LGALS9C: variants seen among roughly 807,000 people sequenced by gnomAD.
The protein encoded by LGALS9C is galectin 9C, also known as galectin-9C.
In LGALS9C, 7 loss-of-function variants were observed where a neutral mutation model predicts 41.3. That is an observed-to-expected ratio of 0.17 (90% confidence interval 0.10 to 0.32). The LOEUF (loss-of-function observed/expected upper bound fraction) is 0.32, where lower values mean the gene tolerates loss of function less well. LGALS9C is among the 10% of genes least tolerant of loss of function. LGALS9C has a pLI of 1.00. For missense variants in LGALS9C, 102 were observed against 455.2 expected (o/e 0.22, Z 7.06); for synonymous variants, 44 against 171.0 (o/e 0.26, Z 5.80).
chr17:18,494,213 C>T lies in LGALS9C; in HGVS notation c.925-8C>T. 7.8e-7 allele frequency: 1 copy of T among 1,279,730 alleles called. No individual in the cohort carries two copies. The highest frequency in any genetic ancestry group is 1.4e-5 in the South Asian group (1 of 73,212). The allele number at this position is 1,279,730 out of a possible 1,614,324, so 79.3% of individuals were successfully genotyped here. The stretch of plus-strand genomic sequence containing the variant: ...AAGTGTAGTGCAAACGGCATAATCT[C>T]TGCACAGGTGTGGATCTTGTGTGAA... On this transcript the variant is annotated splice_region_variant and splice_polypyrimidine_tract_variant and intron_variant, in intron 10 of 10. Coordinates refer to ENST00000328114, the MANE Select transcript of LGALS9C (RefSeq NM_001040078.3).
rs1469410823 is a variant in LGALS9C at position 18,483,979 on chromosome 17, G to A, written c.131+13G>A. The stretch of plus-strand genomic sequence containing the variant: ...GCAGTGGAACCAGGTGTGTGTATAT[G>A]GATGGAAACGTTTCACTCCAGCCTC... On this transcript the variant is annotated intron_variant, in intron 2 of 10. Coordinates refer to ENST00000328114, the MANE Select transcript of LGALS9C (RefSeq NM_001040078.3). 1 of 1,364,968 alleles carries A rather than the reference G, an allele frequency of 7.3e-7. No individual in the cohort carries two copies. Among genetic ancestry groups the A allele is most frequent in the Non-Finnish European group, 1.0e-6 (1 of 973,848 alleles). 84.6% of individuals were successfully genotyped at this position (1,364,968 alleles called of 1,614,324 possible).
intron 4 of LGALS9C, 73 bp downstream of exon 4, chr17:18,487,830 C>T (rs1825463): frequency 0.083 from 125,699 of 1,514,712 alleles, 2,128 homozygotes; most frequent in African/African-American, 0.28. Flanking sequence ...TTAGGCCCAG[C>T]TGGGGGGACC....
rs761694616 is a variant in LGALS9C at position 18,492,746 on chromosome 17, C to A, written c.811C>A (p.Pro271Thr). Residue 271 changes from proline (P) to threonine (T), a missense_variant, in exon 10 of 11, where the codon CCC (proline) becomes ACC (threonine). Transcript: ENST00000328114. The part of the protein sequence containing the change: ...SGSHIAFHMN[P>T]RFDENAVVRN... ...GAGCCACATCGCCTTCCACATGAAC[C>A]CCCGTTTTGATGAGAATGCTGTGGT... 1 of 1,507,496 alleles carries A rather than the reference C, an allele frequency of 6.6e-7. No homozygotes were observed. The highest frequency in any genetic ancestry group is 2.2e-5 in the East Asian group (1 of 44,758). 93.4% of individuals were successfully genotyped at this position (1,507,496 alleles called of 1,614,324 possible).
intron 1 of LGALS9C, among the ~76,000 whole-genome samples, chr17:18,477,232 G>A (rs1217113092): frequency 1.5e-5 from 2 of 129,418 alleles, no homozygotes; most frequent in Non-Finnish European, 3.8e-5. Flanking sequence ...ATGCTACCCG[G>A]CATGGTAGTT....
In LGALS9C at chr17:18,492,409, C is replaced by T. The variant is rs376058294; in HGVS notation, c.673-48C>T. ...GGTACAATCTTCCCCTTCCATGTGGCGGCTGCCCTGACTGCCACTGGCTGA... is the reference window on the plus strand; with the variant it reads ...GGTACAATCTTCCCCTTCCATGTGGTGGCTGCCCTGACTGCCACTGGCTGA... On this transcript the variant is annotated intron_variant, in intron 8 of 10. Coordinates refer to ENST00000328114, the MANE Select transcript of LGALS9C (RefSeq NM_001040078.3). 73 of 1,508,066 alleles carry T rather than the reference C, an allele frequency of 4.8e-5. 5 individuals are homozygous for T. The highest frequency in any genetic ancestry group is 3.4e-4 in the Middle Eastern group (2 of 5,814). 93.4% of individuals were successfully genotyped at this position (1,508,066 alleles called of 1,614,324 possible).
At chr17:18,478,530 C>A in intron 1 of LGALS9C, among the ~76,000 whole-genome samples, 1 of 129,476 alleles carries the variant, frequency 7.7e-6, no homozygotes, top group African/African-American at 2.6e-5. Flanking sequence ...GGGAAGGTCA[C>A]GCGGTTCATG....
rs1171591678 is a variant in LGALS9C at position 18,487,675 on chromosome 17, A to G, written c.362A>G (p.Gln121Arg). 2 of 1,522,486 alleles carry G rather than the reference A, an allele frequency of 1.3e-6. No individual in the cohort carries two copies. The highest frequency in any genetic ancestry group is 1.8e-6 in the Non-Finnish European group (2 of 1,114,272). The allele number at this position is 1,522,486 out of a possible 1,614,324, so 94.3% of individuals were successfully genotyped here. A position where few individuals can be genotyped will look rare whatever the true frequency, so the allele number is the denominator to read the frequency against. Residue 121 changes from glutamine to arginine, a missense_variant, in exon 4 of 11, where the codon CAG (glutamine) becomes CGG (arginine). Transcript: ENST00000328114. Reference protein sequence around the residue: ...KVMVNGSLFVQYFHRVPFHRV... With the variant: ...KVMVNGSLFVRYFHRVPFHRV... Reference sequence around the variant, plus strand: ...ATGGTGAACGGGAGCCTCTTCGTGCAGTACTTCCACCGCGTGCCCTTCCAC... The same window carrying G: ...ATGGTGAACGGGAGCCTCTTCGTGCGGTACTTCCACCGCGTGCCCTTCCAC...
rs1163546620 is a variant in LGALS9C, at chr17:18,487,799, C to T, written c.444+42C>T. ...GGCACCGGTCCCAGGGGCTGGGATG[C>T]AGGGCCCAGCGTAGCTGTGCTTAGG... On this transcript the variant is annotated intron_variant, in intron 4 of 10. Coordinates refer to ENST00000328114, the MANE Select transcript of LGALS9C (RefSeq NM_001040078.3). The T allele has an allele frequency of 1.8e-5, 28 of 1,581,258 alleles. 2 individuals carry two copies. Among genetic ancestry groups the T allele is most frequent in the Non-Finnish European group, 2.0e-5 (23 of 1,154,018 alleles).
At chr17:18,487,292 C>CA (rs1202417016) in intron 3 of LGALS9C, among the ~76,000 whole-genome samples, 1,112 of 18,832 alleles carry the variant, frequency 0.059, no homozygotes, top group Middle Eastern at 0.2. Flanking sequence ...CACTCTATCT[C>CA]AAAAAAAAAA....
In LGALS9C at chr17:18,494,637, A is replaced by T. The variant is rs533619492; in HGVS notation, c.*270A>T. On this transcript the variant is annotated 3_prime_UTR_variant, in exon 11 of 11. Coordinates refer to ENST00000328114, the MANE Select transcript of LGALS9C (RefSeq NM_001040078.3). Reference sequence around the variant, plus strand: ...CCAGAAGGCGGGCACAGCCAGGGAGAGGGGAGGAGTGGGCAGTGAAGATGA... The same window carrying T: ...CCAGAAGGCGGGCACAGCCAGGGAGTGGGGAGGAGTGGGCAGTGAAGATGA... 1 of 561,438 alleles carries T rather than the reference A, an allele frequency of 1.8e-6. No homozygotes were observed. Among genetic ancestry groups the T allele is most frequent in the East Asian group, 3.0e-5 (1 of 33,652 alleles). The allele number at this position is 561,438 out of a possible 1,614,324, so 34.8% of individuals were successfully genotyped here.
intron 1 of LGALS9C, among the ~76,000 whole-genome samples, chr17:18,477,792 C>T (rs1023984339): frequency 4.0e-5 from 5 of 125,850 alleles, no homozygotes; most frequent in Admixed American, 3.8e-4. Flanking sequence ...AGGATCTCAC[C>T]CTGCCTTGGC....
At chr17:18,480,237 A>C (rs1989344411) in intron 1 of LGALS9C, among the ~76,000 whole-genome samples, 1 of 126,232 alleles carries the variant, frequency 7.9e-6, no homozygotes, top group African/African-American at 2.6e-5. Flanking sequence ...CACAACAAAC[A>C]AACAAACAAA....
At position 18,476,838 on chromosome 17, in the gene LGALS9C, A is replaced by C; in HGVS notation, c.-17A>C. 1.3e-6 allele frequency: 2 copies of C among 1,585,234 alleles called. No homozygotes were observed. The highest frequency in any genetic ancestry group is 1.7e-6 in the Non-Finnish European group (2 of 1,156,658). ...GCAGGTGTCAAAGGCAGTGGTGGCC[A>C]CAGAGGCGGTGGAGAGATGGCCTTC... On this transcript the variant is annotated 5_prime_UTR_variant, in exon 1 of 11. Transcript: ENST00000328114.
At chr17:18,478,370 C>G (rs1364487525) in intron 1 of LGALS9C, among the ~76,000 whole-genome samples, 12 of 120,138 alleles carry the variant, frequency 1.0e-4, no homozygotes, top group African/African-American at 3.2e-4. Context: ...GGCCTTGGAG[C>G]TCAGACAAGA....
intron 1 of LGALS9C, among the ~76,000 whole-genome samples, chr17:18,483,352 T>C (rs1875018907): frequency 1.5e-5 from 2 of 131,080 alleles, no homozygotes; most frequent in African/African-American, 5.1e-5. Context: ...GTGCATGCCT[T>C]CTTCTTGACA....
rs1397074264 is a variant in LGALS9C at position 18,486,503 on chromosome 17, C to T, written c.333+368C>T. 1.7e-5 allele frequency: 5 copies of T among 300,986 alleles called. No individual in the cohort carries two copies. In the East Asian group the frequency reaches 3.1e-4, roughly 19 times the overall value. 18.6% of individuals were successfully genotyped at this position (300,986 alleles called of 1,614,324 possible). On this transcript the variant is annotated intron_variant, in intron 3 of 10. Coordinates refer to ENST00000328114, the MANE Select transcript of LGALS9C (RefSeq NM_001040078.3). ...TATTTTTCAGCGACATTGTTCCAGCCCTTATCCAGAGTCTATTACGGTTAT... is the reference window on the plus strand; with the variant it reads ...TATTTTTCAGCGACATTGTTCCAGCTCTTATCCAGAGTCTATTACGGTTAT...
At position 18,486,435 on chromosome 17, in the gene LGALS9C, C is replaced by T; in HGVS notation, c.333+300C>T. The T allele has an allele frequency of 1.3e-5, 4 of 310,756 alleles. 1 individual carries two copies. Among genetic ancestry groups the T allele is most frequent in the South Asian group, 1.0e-4 (4 of 39,954 alleles). The allele number at this position is 310,756 out of a possible 1,614,324, so 19.2% of individuals were successfully genotyped here. Reference sequence around the variant, plus strand: ...TTTGAATTCCAAGCTCATTCCATTCCTCTGCTATCACCATACCTCCTCTCC... The same window carrying T: ...TTTGAATTCCAAGCTCATTCCATTCTTCTGCTATCACCATACCTCCTCTCC... On this transcript the variant is annotated intron_variant, in intron 3 of 10. Transcript: ENST00000328114.
chr17:18,477,529 T>C (rs1417756140), intron 1 of LGALS9C, among the ~76,000 whole-genome samples: 4 of 117,166 alleles, frequency 3.4e-5, no homozygotes, highest in African/African-American at 1.0e-4. Context: ...TAACCAGGCA[T>C]AGGCATGTCA....
chr17:18,486,049 G>C lies in LGALS9C; in HGVS notation c.247G>C (p.Gly83Arg). 7.8e-7 allele frequency: 1 copy of C among 1,279,028 alleles called. No individual in the cohort carries two copies. 79.2% of individuals were successfully genotyped at this position (1,279,028 alleles called of 1,614,324 possible). ...VCNTRQKGTW[G>R]PEERKMHMPF... ...CAACACGAGGCAGAAAGGAACATGG[G>C]GGCCCGAGGAGAGGAAGATGCACAT... is the stretch of plus-strand genomic sequence containing the variant. Residue 83 changes from glycine to arginine, a missense_variant, in exon 3 of 11, where the codon GGG becomes CGG. Physicochemically the swap from Gly to Arg is moderately radical, Grantham distance 125. Transcript: ENST00000328114.
Sources: gnomAD v4.1 joint callset for allele counts (sites outside exome capture counted in the v4.1 genomes callset) on GRCh38, gnomAD v4.1.1 for gene constraint, MANE v1.5 for transcripts, NCBI Gene and HGNC (gene_info 2026-07-23, HGNC 2026-07-21) for gene names.